The following SLC24A3 variants were observed in gnomAD, a reference collection of about 807,000 sequenced individuals.
SLC24A3 encodes solute carrier family 24 member 3, also known as sodium/potassium/calcium exchanger 3.
SLC24A3 carries 28 observed loss-of-function variants against 75.8 expected under a neutral mutation model. That is an observed-to-expected ratio of 0.37 (90% CI 0.27 to 0.51). The LOEUF (loss-of-function observed/expected upper bound fraction) is 0.51. Ranked by LOEUF, SLC24A3 falls within the 20% of genes least tolerant of loss-of-function variation. The pLI, the probability that SLC24A3 is intolerant of heterozygous loss-of-function variation, is 0.94. For synonymous variants in SLC24A3, 372 were observed against 334.1 expected, an observed-to-expected ratio of 1.11 and a Z score of -1.24; for missense variants, 663 against 847.8, an observed-to-expected ratio of 0.78 and a Z score of 2.71.
intron 15 of SLC24A3, among the ~76,000 whole-genome samples, chr20:19,708,922 A>AATCAGTCTCTCTGTTCATCACAGTTT (rs1415788478): frequency 6.6e-6 from 1 of 152,178 alleles, no homozygotes; most frequent in Non-Finnish European, 1.5e-5. Flanking sequence ...TGGAAAGCTG[A>AATCAGTCTCTCTGTTCATCACAGTTT]ATCAGTCTCT....
intron 6 of SLC24A3, among the ~76,000 whole-genome samples, chr20:19,586,608 G>A (rs1184269175): frequency 2.6e-5 from 4 of 152,096 alleles, no homozygotes; most frequent in Admixed American, 2.0e-4. Context: ...ATGTAGACTC[G>A]AGGGTCTCCA....
intron 3 of SLC24A3, among the ~76,000 whole-genome samples, chr20:19,535,322 T>G (rs985584354): frequency 6.6e-6 from 1 of 152,250 alleles, no homozygotes; most frequent in East Asian, 1.9e-4. Context: ...GCCTTTCTCA[T>G]GTTTCTGTAG....
chr20:19,680,074 GTGTGTGTCTGTA>G (rs1245640431), intron 9 of SLC24A3, among the ~76,000 whole-genome samples: 2 of 150,618 alleles, frequency 1.3e-5, no homozygotes, highest in Non-Finnish European at 3.0e-5. Flanking sequence ...GTGTGTCTGT[GTGTGTGTCTGTA>G]TGTGTCTGTG....
intron 3 of SLC24A3, among the ~76,000 whole-genome samples, chr20:19,523,028 T>C (rs1382501525): frequency 1.3e-5 from 2 of 152,182 alleles, no homozygotes; most frequent in Non-Finnish European, 2.9e-5. Flanking sequence ...TGGTCTTGTA[T>C]GTGGAAAACC....
chr20:19,716,296 T>C (rs965989529), intron 15 of SLC24A3, among the ~76,000 whole-genome samples: 7 of 152,100 alleles, frequency 4.6e-5, no homozygotes, highest in Admixed American at 1.3e-4. Flanking sequence ...TGAAAGAAAC[T>C]ATTTGGCCTT....
intron 12 of SLC24A3, among the ~76,000 whole-genome samples, chr20:19,689,237 T>C (rs1600341846): frequency 6.6e-6 from 1 of 152,256 alleles, no homozygotes; most frequent in East Asian, 1.9e-4. Context: ...ATTGCCGATA[T>C]TATCGGAACA....
At position 19,397,580 on chromosome 20, in the gene SLC24A3, C is replaced by G. The variant is rs895954094; in HGVS notation, c.271+116493C>G. 3.3e-5 allele frequency among the ~76,000 whole-genome samples: 5 copies of G among 151,318 alleles called. No homozygotes were observed. In the South Asian group the frequency reaches 1.0e-3, roughly 32 times the overall value. On this transcript the variant is annotated intron_variant, in intron 2 of 16. Transcript: ENST00000328041. ...TTTCCATATCTCTTATTTCATTTTG[C>G]CTTAAAAATGTTAGCTTTTTTCAAA... is the stretch of plus-strand genomic sequence containing the variant.
chr20:19,372,025 A>G (rs1450417335), intron 2 of SLC24A3, among the ~76,000 whole-genome samples: 1 of 152,192 alleles, frequency 6.6e-6, no homozygotes, highest in Non-Finnish European at 1.5e-5. Flanking sequence ...TATATCATAG[A>G]GAAAAAGTAT....
chr20:19,673,825 CA>C (rs1211516301), intron 9 of SLC24A3, among the ~76,000 whole-genome samples, 171 bp downstream of exon 9: 2 of 152,170 alleles, frequency 1.3e-5, no homozygotes, highest in Non-Finnish European at 2.9e-5. Flanking sequence ...TGATTAGTAT[CA>C]ATTGTAGTGA....
chr20:19,517,713 C>G (rs1355326142), intron 3 of SLC24A3, among the ~76,000 whole-genome samples: 4 of 152,176 alleles, frequency 2.6e-5, no homozygotes, highest in Non-Finnish European at 4.4e-5. Context: ...CACAGAAGCC[C>G]AGAATTCTCC....
intron 2 of SLC24A3, among the ~76,000 whole-genome samples, chr20:19,441,562 A>C (rs907792677): frequency 4.6e-5 from 7 of 152,180 alleles, no homozygotes; most frequent in Non-Finnish European, 1.0e-4. Flanking sequence ...AGTGAGTGGA[A>C]AGTATGAAAA....
At chr20:19,600,630 T>G (rs990164147) in intron 6 of SLC24A3, among the ~76,000 whole-genome samples, 6 of 152,222 alleles carry the variant, frequency 3.9e-5, no homozygotes, top group Non-Finnish European at 4.4e-5. Context: ...GCACAAGCAC[T>G]AAGCTAAGTG....
chr20:19,222,141 T>G (rs1981732183), intron 1 of SLC24A3, among the ~76,000 whole-genome samples: 1 of 152,202 alleles, frequency 6.6e-6, no homozygotes, highest in African/African-American at 2.4e-5. Context: ...CCAAGAGCTC[T>G]TCTTCCTGTG....
intron 6 of SLC24A3, among the ~76,000 whole-genome samples, chr20:19,589,799 A>C (rs1364545906): frequency 6.6e-6 from 1 of 152,162 alleles, no homozygotes; most frequent in East Asian, 1.9e-4. Flanking sequence ...GTTTTAAGAT[A>C]GTTATCATCC....
Position 19,721,399 on chromosome 20 carries a change from AT to A in SLC24A3, c.*264del. 2 of 426,962 alleles carry A rather than the reference AT, an allele frequency of 4.7e-6. No homozygotes were observed. Among genetic ancestry groups the A allele is most frequent in the Non-Finnish European group, 8.3e-6 (2 of 241,440 alleles). 26.4% of individuals were successfully genotyped at this position (426,962 alleles called of 1,614,324 possible). On this transcript the variant is annotated 3_prime_UTR_variant, in exon 17 of 17. Coordinates refer to ENST00000328041, the MANE Select transcript of SLC24A3 (RefSeq NM_020689.4). Reference sequence around the variant, plus strand: ...ACATCCACGTGACTTTTCCAGCTCCATTTTTGAACAGTGACTGAGATTCTAG... The same window carrying A: ...ACATCCACGTGACTTTTCCAGCTCCATTTTGAACAGTGACTGAGATTCTAG...
intron 2 of SLC24A3, among the ~76,000 whole-genome samples, chr20:19,480,869 C>A (rs561072274): frequency 6.6e-6 from 1 of 152,276 alleles, no homozygotes; most frequent in Non-Finnish European, 1.5e-5. Flanking sequence ...GCTGAAACAG[C>A]AGAACTGAGT....
At chr20:19,462,175 C>T (rs917909693) in intron 2 of SLC24A3, among the ~76,000 whole-genome samples, 2 of 152,168 alleles carry the variant, frequency 1.3e-5, no homozygotes, top group African/African-American at 4.8e-5. Context: ...TAGTTCCCCT[C>T]AGAGCCCCCT....
At chr20:19,602,635 A>T (rs138291200) in intron 6 of SLC24A3, among the ~76,000 whole-genome samples, 1 of 152,328 alleles carries the variant, frequency 6.6e-6, no homozygotes, top group East Asian at 1.9e-4. Flanking sequence ...ACCAAAAGAC[A>T]TACACATCTA....
intron 1 of SLC24A3, among the ~76,000 whole-genome samples, chr20:19,229,341 C>T (rs1255380802): frequency 6.6e-6 from 1 of 151,948 alleles, no homozygotes; most frequent in Non-Finnish European, 1.5e-5. Context: ...TTCCCTGAGT[C>T]AGTAAAGCTT....
Sources: gnomAD v4.1 joint callset for allele counts (sites outside exome capture counted in the v4.1 genomes callset) on GRCh38, gnomAD v4.1.1 for gene constraint, MANE v1.5 for transcripts, NCBI Gene and HGNC (gene_info 2026-07-23, HGNC 2026-07-21) for gene names.